Variants in ITPR3 observed in about 807,000 individuals in gnomAD.
ITPR3 encodes the protein inositol 1,4,5-trisphosphate-gated calcium channel ITPR3.
ITPR3 carries 173 observed loss-of-function variants against 293.2 expected under a neutral mutation model. That is an observed-to-expected ratio of 0.59 (90% CI 0.52 to 0.67). The LOEUF (loss-of-function observed/expected upper bound fraction) is 0.67, where lower values mean the gene tolerates loss of function less well. Among genes scored for constraint, ITPR3 ranks in the 30% least tolerant of loss-of-function variants. The pLI, the probability that ITPR3 is intolerant of heterozygous loss-of-function variation, is 0.00. For missense variants in ITPR3, 2,796 were observed against 3,592.1 expected (o/e 0.78, Z 5.66); for synonymous variants, 1,295 against 1,444.4 (o/e 0.90, Z 2.35).
rs985701546 is a variant in ITPR3, at chr6:33,683,081, G to T, written c.4598-126G>T. 4.7e-5 allele frequency: 30 copies of T among 632,946 alleles called. No homozygotes were observed. Among genetic ancestry groups the T allele is most frequent in the East Asian group, 1.0e-4 (3 of 29,652 alleles). The allele number at this position is 632,946 out of a possible 1,614,324, so 39.2% of individuals were successfully genotyped here. On this transcript the variant is annotated intron_variant, in intron 34 of 57. Coordinates refer to ENST00000605930, the MANE Select transcript of ITPR3 (RefSeq NM_002224.4). This position sits in a 1 kb window ranked among gnomAD's most constrained non-coding sequence, Gnocchi z 4.5. ...TCAAGCATAGGCCGGGGTGGGGGGG[G>T]TCTCTGTCTCCCAGACCCTTGGTCT...
rs1166494671 is a variant in ITPR3, at chr6:33,683,069, G to A, written c.4598-138G>A. 4 of 522,846 alleles carry A rather than the reference G, an allele frequency of 7.7e-6. No homozygotes were observed. Among genetic ancestry groups the A allele is most frequent in the South Asian group, 3.3e-5 (1 of 30,284 alleles). The allele number at this position is 522,846 out of a possible 1,614,324, so 32.4% of individuals were successfully genotyped here. On this transcript the variant is annotated intron_variant, in intron 34 of 57. Transcript: ENST00000605930. The surrounding 1 kb of genome is among the most constrained non-coding windows in gnomAD (Gnocchi z 4.5). ...CCTCTCAGTCCCTCAAGCATAGGCCGGGGTGGGGGGGGTCTCTGTCTCCCA... is the reference window on the plus strand; with the variant it reads ...CCTCTCAGTCCCTCAAGCATAGGCCAGGGTGGGGGGGGTCTCTGTCTCCCA...
Position 33,621,448 on chromosome 6 carries a change from C to T in ITPR3, c.-155C>T. The T allele has an allele frequency of 2.0e-6, 1 of 502,590 alleles. No homozygotes were observed. The highest frequency in any genetic ancestry group is 3.5e-6 in the Non-Finnish European group (1 of 289,386). The allele number at this position is 502,590 out of a possible 1,614,324, so 31.1% of individuals were successfully genotyped here. ...GCCCCGCCGAGCCGCCTCCTGGCTC[C>T]CGTGGCCGCCAGCCCGCCCCGGCCG... On this transcript the variant is annotated 5_prime_UTR_variant, in exon 1 of 58. Coordinates refer to ENST00000605930, the MANE Select transcript of ITPR3 (RefSeq NM_002224.4). This position sits in a 1 kb window ranked among gnomAD's most constrained non-coding sequence, Gnocchi z 7.7.
At chr6:33,645,248 C>T (rs1410877196) in intron 2 of ITPR3, among the ~76,000 whole-genome samples, 2 of 152,018 alleles carry the variant, frequency 1.3e-5, no homozygotes, top group African/African-American at 4.8e-5. Flanking sequence ...GCAGGAGAAT[C>T]GCTTGAACCC....
intron 2 of ITPR3, among the ~76,000 whole-genome samples, chr6:33,650,397 C>A (rs1464406498): frequency 3.3e-5 from 5 of 152,300 alleles, no homozygotes; most frequent in Admixed American, 3.3e-4. Flanking sequence ...CTTACAAGTT[C>A]CAGTTATTAA....
intron 56 of ITPR3, among the ~76,000 whole-genome samples, chr6:33,693,986 G>GA (rs1269505474): frequency 6.6e-6 from 1 of 152,212 alleles, no homozygotes; most frequent in African/African-American, 2.4e-5. Flanking sequence ...TGGGTGTCAG[G>GA]AAAAATCCCA....
Position 33,673,590 on chromosome 6 carries a change from G to T in ITPR3, c.2929-1G>T. The T allele has an allele frequency of 1.2e-6, 2 of 1,614,026 alleles. No individual in the cohort carries two copies. Among genetic ancestry groups the T allele is most frequent in the South Asian group, 1.1e-5 (1 of 91,076 alleles). On this transcript the variant is annotated splice_acceptor_variant, in intron 22 of 57. Transcript: ENST00000605930. LOFTEE classifies it high-confidence loss of function. ...CACCTGACCTTTCCTCTCTTCTCCA[G>T]TTCATCCTCAATGTCCGCCTGGATT...
In ITPR3 at chr6:33,693,856, G is replaced by A. The variant is rs963313170; in HGVS notation, c.7785+151G>A. ...CTGACTGTTGGCCCTAGGAGGCCAG[G>A]CAGAGGGGCTCGGACAGCTGCAGAC... On this transcript the variant is annotated intron_variant, in intron 56 of 57. Transcript: ENST00000605930. The A allele has an allele frequency of 1.8e-5, 16 of 877,096 alleles. No homozygotes were observed. The African/African-American group carries it at 2.2e-4, about 12-fold the overall frequency. 54.3% of individuals were successfully genotyped at this position (877,096 alleles called of 1,614,324 possible). A position where few individuals can be genotyped will look rare whatever the true frequency, so the allele number is the denominator to read the frequency against.
chr6:33,678,300 G>T, intron 28 of ITPR3, 121 bp from the exon 29 acceptor site: 1 of 1,373,496 alleles, frequency 7.3e-7, no homozygotes, highest in Admixed American at 2.0e-5. Flanking sequence ...TTCCCTTTAC[G>T]CTGGCCTCTT....
chr6:33,626,288 C>T (rs1763547814), intron 1 of ITPR3, among the ~76,000 whole-genome samples: 1 of 152,118 alleles, frequency 6.6e-6, no homozygotes, highest in Non-Finnish European at 1.5e-5. Context: ...TTTCCGTCAG[C>T]CTGCATTATC....
intron 1 of ITPR3, among the ~76,000 whole-genome samples, chr6:33,639,438 A>T (rs1340032207): frequency 6.6e-6 from 1 of 151,944 alleles, no homozygotes; most frequent in Non-Finnish European, 1.5e-5. Flanking sequence ...GGAGGTACAG[A>T]AGGAGCACGG....
In ITPR3 at chr6:33,678,489, C is replaced by A. The variant is rs1561874037; in HGVS notation, c.3717C>A (p.Asn1239Lys). Residue 1239 changes from asparagine (N) to lysine (K), a missense_variant, in exon 29 of 58, where the codon AAC becomes AAA. Physicochemically the swap from Asn to Lys is moderately conservative, Grantham distance 94. Coordinates refer to ENST00000605930, the MANE Select transcript of ITPR3 (RefSeq NM_002224.4). ...TCCTGCAGAAGTTCTGTGCAGGGAA[C>A]CCCGGCAACCAGGCCCTGCTGCACA... Reference protein sequence around the residue: ...HQFLQKFCAGNPGNQALLHKH... With the variant: ...HQFLQKFCAGKPGNQALLHKH... 4 of 1,613,664 alleles carry A rather than the reference C, an allele frequency of 2.5e-6. No homozygotes were observed. Among genetic ancestry groups the A allele is most frequent in the Non-Finnish European group, 3.4e-6 (4 of 1,180,014 alleles).
At chr6:33,626,419 A>AT (rs1309240200) in intron 1 of ITPR3, among the ~76,000 whole-genome samples, 178 of 152,218 alleles carry the variant, frequency 1.2e-3, no homozygotes, top group African/African-American at 4.1e-3. Context: ...TGGGTGTTAG[A>AT]TTTTTAAAAA....
Position 33,658,041 on chromosome 6 carries a change from C to A in ITPR3, c.369+23C>A. The A allele has an allele frequency of 6.3e-7, 1 of 1,596,164 alleles. No individual in the cohort carries two copies. Among genetic ancestry groups the A allele is most frequent in the South Asian group, 1.1e-5 (1 of 90,054 alleles). Reference sequence around the variant, plus strand: ...CAGGTGAGGCTGGCCTGCCTCTCTCCCGCCTGCCCCTCTCCCTGCCTAAGA... The same window carrying A: ...CAGGTGAGGCTGGCCTGCCTCTCTCACGCCTGCCCCTCTCCCTGCCTAAGA... On this transcript the variant is annotated intron_variant, in intron 4 of 57. Coordinates refer to ENST00000605930, the MANE Select transcript of ITPR3 (RefSeq NM_002224.4). The surrounding 1 kb of genome is among the most constrained non-coding windows in gnomAD (Gnocchi z 6.1).
chr6:33,635,698 G>C (rs763492880), intron 1 of ITPR3, among the ~76,000 whole-genome samples: 28 of 152,112 alleles, frequency 1.8e-4, no homozygotes, highest in Non-Finnish European at 3.7e-4. Context: ...GTCTCCATGG[G>C]AACAGGCTTG....
At chr6:33,665,670 A>T (rs1764591006) in intron 13 of ITPR3, among the ~76,000 whole-genome samples, 165 bp from the exon 14 acceptor site, 1 of 152,064 alleles carries the variant, frequency 6.6e-6, no homozygotes, top group Admixed American at 6.6e-5. Flanking sequence ...AGAGCATTTC[A>T]GGGGAAAGCC....
chr6:33,669,169 A>G lies in ITPR3; in HGVS notation c.2189+13A>G. On this transcript the variant is annotated intron_variant, in intron 18 of 57. Coordinates refer to ENST00000605930, the MANE Select transcript of ITPR3 (RefSeq NM_002224.4). Reference sequence around the variant, plus strand: ...TCAGCTACTACAGGTGCCCCGCCCCAGCTCCTCCCCTCCCTCTTCCTGTGC... The same window carrying G: ...TCAGCTACTACAGGTGCCCCGCCCCGGCTCCTCCCCTCCCTCTTCCTGTGC... 1 of 1,610,422 alleles carries G rather than the reference A, an allele frequency of 6.2e-7. No homozygotes were observed. Among genetic ancestry groups the G allele is most frequent in the Non-Finnish European group, 8.5e-7 (1 of 1,178,282 alleles).
intron 1 of ITPR3, among the ~76,000 whole-genome samples, chr6:33,639,570 A>G (rs575788184): frequency 1.2e-4 from 19 of 152,292 alleles, no homozygotes; most frequent in African/African-American, 4.3e-4. Flanking sequence ...TTCAGAGGTA[A>G]CAGGCATGGG....
At chr6:33,623,333 T>TTG (rs1554133572) in intron 1 of ITPR3, among the ~76,000 whole-genome samples, 2 of 148,904 alleles carry the variant, frequency 1.3e-5, no homozygotes, top group African/African-American at 5.0e-5. Context: ...TTTGTTTTTT[T>TTG]TTTTTTTTTT....
Position 33,678,848 on chromosome 6 carries a change from G to T in ITPR3, c.3972+9G>T. On this transcript the variant is annotated intron_variant, in intron 30 of 57. Transcript: ENST00000605930. The stretch of plus-strand genomic sequence containing the variant: ...ACATGATCATGACTGAGGTGAGGGC[G>T]GGGCTGAGGGGTGCTCAGGCATCTT... 1 of 1,609,268 alleles carries T rather than the reference G, an allele frequency of 6.2e-7. No homozygotes were observed.
Sources: allele counts gnomAD v4.1 joint callset (sites outside exome capture counted in the v4.1 genomes callset), GRCh38; gene constraint gnomAD v4.1.1; non-coding constraint Gnocchi (gnomAD v3.1); transcripts MANE v1.5; gene names NCBI Gene and HGNC (gene_info 2026-07-23, HGNC 2026-07-21).